The following ETFA variants were observed in gnomAD, a reference collection of about 807,000 sequenced individuals.
ETFA encodes the protein electron transfer flavoprotein subunit alpha.
Under a neutral mutation model 46.2 loss-of-function variants are expected in ETFA, and 22 were observed. The observed-to-expected ratio is 0.48, with a 90% CI of 0.34 to 0.68. The LOEUF (loss-of-function observed/expected upper bound fraction) is 0.68. ETFA is among the 30% of genes least tolerant of loss of function. The probability of loss-of-function intolerance (pLI) is 0.01; values close to 1 mark genes in which losing one functional copy is unlikely to be tolerated. For missense variants in ETFA, 345 were observed against 401.1 expected, an observed-to-expected ratio of 0.86 and a Z score of 1.19; for synonymous variants, 131 against 139.9, an observed-to-expected ratio of 0.94 and a Z score of 0.45.
chr15:76,302,709 T>C (rs2039892240), intron 1 of ETFA, among the ~76,000 whole-genome samples: 1 of 152,200 alleles, frequency 6.6e-6, no homozygotes, highest in Admixed American at 6.5e-5. Flanking sequence ...AATTCATTAA[T>C]TGTAACAAAT....
At chr15:76,292,543 T>A (rs376129906) in intron 3 of ETFA, 30 bp from the exon 4 acceptor site, 13 of 1,597,210 alleles carry the variant, frequency 8.1e-6, no homozygotes, top group South Asian at 7.7e-5. Context: ...GATAAAAAAA[T>A]ATTTTGAAAT....
intron 9 of ETFA, among the ~76,000 whole-genome samples, chr15:76,256,418 T>A (rs1263368891): frequency 1.3e-5 from 2 of 152,186 alleles, no homozygotes; most frequent in Non-Finnish European, 2.9e-5. Flanking sequence ...AGCACTTGTT[T>A]AATAGTTTGA....
intron 10 of ETFA, chr15:76,231,130 G>A: frequency 1.8e-6 from 1 of 547,156 alleles, no homozygotes; most frequent in Non-Finnish European, 3.3e-6. Context: ...TCAGGTTCAG[G>A]CCTCTTTCCA....
chr15:76,310,861 G>A (rs1488770837), intron 1 of ETFA, among the ~76,000 whole-genome samples: 1 of 57,712 alleles, frequency 1.7e-5, no homozygotes, highest in East Asian at 3.7e-4. Flanking sequence ...CCCCACCCCC[G>A]CCCTTGACAG....
intron 9 of ETFA, among the ~76,000 whole-genome samples, chr15:76,261,948 G>A (rs533131222): frequency 1.4e-4 from 22 of 152,268 alleles, no homozygotes; most frequent in African/African-American, 5.3e-4. Flanking sequence ...TAGGAGACCA[G>A]TCCTGAAATG....
chr15:76,237,316 G>A lies in ETFA; in HGVS notation c.817-5918C>T, dbSNP rs548543944. On this transcript the variant is annotated intron_variant, in intron 9 of 11. Coordinates refer to ENST00000557943, the MANE Select transcript of ETFA (RefSeq NM_000126.4). ...GATCCACCCACCTCGGCCTCCCAAA[G>A]TGCTGGGATTACAGGCATGAGCCAC... Among the ~76,000 whole-genome samples the A allele has an allele frequency of 5.3e-5, 8 of 152,264 alleles. No individual in the cohort carries two copies. The South Asian group carries it at 1.4e-3, about 28-fold the overall frequency.
At chr15:76,292,781 C>A in intron 2 of ETFA, 81 bp from the exon 3 acceptor site, 1 of 963,956 alleles carries the variant, frequency 1.0e-6, no homozygotes, top group Non-Finnish European at 1.7e-6. Context: ...ATCAACAGAT[C>A]ATAAAATCTT....
intron 8 of ETFA, among the ~76,000 whole-genome samples, chr15:76,278,180 C>T (rs2039614705): frequency 6.6e-6 from 1 of 152,178 alleles, no homozygotes; most frequent in Non-Finnish European, 1.5e-5. Flanking sequence ...TGAGCTTGCC[C>T]ACCACCCTAC....
chr15:76,234,851 C>T (rs2039107979), intron 9 of ETFA, among the ~76,000 whole-genome samples: 1 of 152,174 alleles, frequency 6.6e-6, no homozygotes, highest in Non-Finnish European at 1.5e-5. Context: ...CAGAAAAAAG[C>T]ACAAATACCT....
intron 9 of ETFA, among the ~76,000 whole-genome samples, chr15:76,243,585 G>A (rs2097566221): frequency 6.6e-6 from 1 of 152,004 alleles, no homozygotes; most frequent in Non-Finnish European, 1.5e-5. Context: ...ATCACAACGA[G>A]GTCAGGAGTT....
intron 9 of ETFA, chr15:76,259,667 C>A: frequency 1.0e-6 from 1 of 984,340 alleles, no homozygotes; most frequent in Non-Finnish European, 1.6e-6. Context: ...AATAGTAGCC[C>A]CGCTGTAGAT....
chr15:76,264,903 G>C (rs1308390018), intron 9 of ETFA, among the ~76,000 whole-genome samples: 2 of 152,234 alleles, frequency 1.3e-5, no homozygotes, highest in African/African-American at 4.8e-5. Flanking sequence ...AAAAGTCCTG[G>C]TGTATGTCCC....
intron 9 of ETFA, among the ~76,000 whole-genome samples, chr15:76,267,307 C>A (rs977812578): frequency 5.3e-5 from 8 of 152,184 alleles, no homozygotes; most frequent in African/African-American, 1.7e-4. Context: ...GCTAGTAGGA[C>A]AAGCGAGGCT....
chr15:76,268,804 A>C (rs779025441), intron 9 of ETFA, among the ~76,000 whole-genome samples: 1 of 152,258 alleles, frequency 6.6e-6, no homozygotes, highest in Non-Finnish European at 1.5e-5. Flanking sequence ...GATCACCAAC[A>C]GGCAATTAAG....
At chr15:76,288,917 C>CCTCTTT (rs2039728308) in intron 4 of ETFA, among the ~76,000 whole-genome samples, 1 of 14,318 alleles carries the variant, frequency 7.0e-5, no homozygotes, top group Non-Finnish European at 2.1e-4. Context: ...TCTTCTTCTT[C>CCTCTTT]TTCTTTTTTT....
chr15:76,284,486 AT>A, intron 7 of ETFA: 1 of 196,912 alleles, frequency 5.1e-6, no homozygotes, highest in South Asian at 9.6e-5. Context: ...TATTATTTTT[AT>A]TTATTTATTT....
At chr15:76,292,402 A>G (rs370488882) in intron 4 of ETFA, 29 bp downstream of exon 4, 8 of 1,472,588 alleles carry the variant, frequency 5.4e-6, no homozygotes, top group Non-Finnish European at 6.7e-6. Flanking sequence ...AAGCAGTGAT[A>G]TCAGATTCCA....
chr15:76,294,472 T>C (rs1289516948), intron 2 of ETFA, among the ~76,000 whole-genome samples: 1 of 152,236 alleles, frequency 6.6e-6, no homozygotes, highest in African/African-American at 2.4e-5. Flanking sequence ...TGTTCTTTTA[T>C]CAATTTCATG....
At chr15:76,281,428 AT>A (rs1163521200) in intron 8 of ETFA, among the ~76,000 whole-genome samples, 3,098 of 138,848 alleles carry the variant, frequency 0.022, 89 homozygotes, top group African/African-American at 0.067. Flanking sequence ...ACTCTCTAAC[AT>A]TTTTTTTTTT....
Sources: allele counts gnomAD v4.1 joint callset (sites outside exome capture counted in the v4.1 genomes callset), GRCh38; gene constraint gnomAD v4.1.1; transcripts MANE v1.5; gene names NCBI Gene and HGNC (gene_info 2026-07-23, HGNC 2026-07-21).